MTMR14: variants seen among roughly 807,000 people sequenced by gnomAD.
MTMR14 encodes myotubularin related protein 14.
Under a neutral mutation model 86.3 loss-of-function variants are expected in MTMR14, and 48 were observed. The ratio of observed to expected loss-of-function variants is 0.56; its 90% confidence interval spans 0.44 to 0.71. MTMR14 has a LOEUF of 0.71. MTMR14 is among the 30% of genes least tolerant of loss of function. MTMR14 has a pLI of 0.00. For synonymous variants in MTMR14, 366 were observed against 326.1 expected (o/e 1.12, Z -1.32); for missense variants, 780 against 834.6 (o/e 0.93, Z 0.81).
In MTMR14 at chr3:9,649,658, G is replaced by A. The variant is rs1332051551; in HGVS notation, c.75G>A (p.Gln25=). Reference sequence around the variant, plus strand: ...CCTCTTCAGGCAACCAGCCGCCTCAGGAGCTGGGGCTTGGGGAGCTGCTGG... The same window carrying A: ...CCTCTTCAGGCAACCAGCCGCCTCAAGAGCTGGGGCTTGGGGAGCTGCTGG... ...SSASSGNQPP[Q]ELGLGELLEE... is the part of the protein sequence containing the mutation. Residue 25 remains glutamine, a synonymous_variant, in exon 1 of 19, where the codon CAG becomes CAA. Coordinates refer to ENST00000296003, the MANE Select transcript of MTMR14 (RefSeq NM_001077525.3). 1.9e-6 allele frequency: 3 copies of A among 1,597,272 alleles called. No homozygotes were observed. The highest frequency in any genetic ancestry group is 1.7e-5 in the Admixed American group (1 of 57,200).
chr3:9,670,620 A>G (rs1388395438), intron 5 of MTMR14, among the ~76,000 whole-genome samples: 1 of 152,194 alleles, frequency 6.6e-6, no homozygotes, highest in African/African-American at 2.4e-5. Context: ...TCAGACTGCT[A>G]CATTATGAGC....
chr3:9,674,949 TA>T (rs1338573903), intron 7 of MTMR14, among the ~76,000 whole-genome samples: 1 of 152,180 alleles, frequency 6.6e-6, no homozygotes, highest in African/African-American at 2.4e-5. Flanking sequence ...CTATCTCTAC[TA>T]AAAATACAAA....
chr3:9,702,016 G>A lies in MTMR14; in HGVS notation c.*43G>A, dbSNP rs745968351. The A allele has an allele frequency of 1.2e-6, 2 of 1,612,300 alleles. No homozygotes were observed. Among genetic ancestry groups the A allele is most frequent in the Non-Finnish European group, 1.7e-6 (2 of 1,179,408 alleles). On this transcript the variant is annotated 3_prime_UTR_variant, in exon 19 of 19. Coordinates refer to ENST00000296003, the MANE Select transcript of MTMR14 (RefSeq NM_001077525.3). ...ATTTTCCTGCTCCTCTCTCAGCTGA[G>A]CCCTTAGCAGAGAATCAAAGCCATG...
chr3:9,701,534 A>G lies in MTMR14; in HGVS notation c.1770-256A>G. 3.6e-6 allele frequency: 2 copies of G among 550,376 alleles called. No individual in the cohort carries two copies. The highest frequency in any genetic ancestry group is 6.3e-5 in the East Asian group (2 of 31,914). 34.1% of individuals were successfully genotyped at this position (550,376 alleles called of 1,614,324 possible). On this transcript the variant is annotated intron_variant, in intron 18 of 18. Transcript: ENST00000296003. The surrounding 1 kb of genome is among the most constrained non-coding windows in gnomAD (Gnocchi z 4.2). ...GAGACCTTGTCTCAAGAAAAAAAAA[A>G]AAAAGGTTAGTGTCCCAGTAAAAGC...
intron 7 of MTMR14, among the ~76,000 whole-genome samples, chr3:9,673,026 C>T (rs1005203449): frequency 3.1e-4 from 47 of 152,196 alleles, no homozygotes; most frequent in Admixed American, 2.0e-4. Context: ...TTCACCCCTC[C>T]AAGCCTCAAG....
chr3:9,698,419 G>A (rs1048590961), intron 18 of MTMR14, among the ~76,000 whole-genome samples: 1 of 152,240 alleles, frequency 6.6e-6, no homozygotes, highest in Non-Finnish European at 1.5e-5. Context: ...CACCTGACTG[G>A]AGCAGCTGCC....
intron 4 of MTMR14, among the ~76,000 whole-genome samples, 173 bp downstream of exon 4, chr3:9,668,967 A>G (rs2048414855): frequency 6.6e-6 from 1 of 151,834 alleles, no homozygotes; most frequent in Non-Finnish European, 1.5e-5. Context: ...GTGAAACCCC[A>G]TCTCTACTAA....
intron 2 of MTMR14, 43 bp from the exon 3 acceptor site, chr3:9,662,224 A>T (rs1304686069): frequency 1.3e-6 from 2 of 1,511,180 alleles, no homozygotes; most frequent in Non-Finnish European, 1.8e-6. Flanking sequence ...CAAAGTGCCC[A>T]CTTCAAAGTC....
At chr3:9,678,232 A>G (rs565571343) in intron 9 of MTMR14, among the ~76,000 whole-genome samples, 174 bp downstream of exon 9, 15 of 152,258 alleles carry the variant, frequency 9.9e-5, no homozygotes, top group East Asian at 5.8e-4. Flanking sequence ...CCGTTCAACT[A>G]TCTCCTGATT....
At chr3:9,683,439 T>C (rs1364128976) in intron 10 of MTMR14, 195 bp downstream of exon 10, 2 of 605,132 alleles carry the variant, frequency 3.3e-6, no homozygotes, top group Admixed American at 2.9e-5. Context: ...GTCCTCAAAA[T>C]CCTAGAAAAC....
intron 3 of MTMR14, among the ~76,000 whole-genome samples, chr3:9,666,706 T>G (rs1248039669): frequency 6.6e-6 from 1 of 152,170 alleles, no homozygotes; most frequent in East Asian, 1.9e-4. Context: ...CATCTTTCTT[T>G]TTGTTTAAGA....
chr3:9,670,509 T>C (rs1188285812), intron 5 of MTMR14, among the ~76,000 whole-genome samples: 1 of 152,248 alleles, frequency 6.6e-6, no homozygotes, highest in Admixed American at 6.5e-5. Context: ...ATTTTATCTT[T>C]CTCTTTGCTT....
Position 9,688,714 on chromosome 3 carries a change from C to T in MTMR14, c.1254C>T (p.Ala418=), listed in dbSNP as rs757836826. 7.4e-6 allele frequency: 12 copies of T among 1,614,142 alleles called. No homozygotes were observed. The highest frequency in any genetic ancestry group is 9.3e-6 in the Non-Finnish European group (11 of 1,180,036). ...TTTCTAGGAGGAAGAGTTTGCCAGC[C>T]CGGGATGGAGGCTTCACCCTGGAAG... The part of the protein sequence containing the change: ...LKTQRRKSLP[A]RDGGFTLEDI... Residue 418 remains alanine, a synonymous_variant, in exon 15 of 19, where the codon GCC becomes GCT. Coordinates refer to ENST00000296003, the MANE Select transcript of MTMR14 (RefSeq NM_001077525.3).
At chr3:9,697,892 G>T in intron 18 of MTMR14, 26 bp downstream of exon 18, 1 of 1,613,690 alleles carries the variant, frequency 6.2e-7, no homozygotes, top group East Asian at 2.2e-5. Context: ...GAGAAGGCAG[G>T]ATGCTCCCCT....
intron 18 of MTMR14, among the ~76,000 whole-genome samples, chr3:9,699,065 G>T (rs1164830747): frequency 1.3e-5 from 2 of 151,826 alleles, no homozygotes; most frequent in South Asian, 2.1e-4. Flanking sequence ...CCAGCTACTC[G>T]GGAGGCTGAG....
intron 17 of MTMR14, among the ~76,000 whole-genome samples, chr3:9,695,381 C>T (rs1218498163): frequency 2.6e-5 from 4 of 152,176 alleles, no homozygotes; most frequent in African/African-American, 4.8e-5. Flanking sequence ...AGTGTGCTCA[C>T]TCTTGAAAAA....
chr3:9,700,859 C>T (rs1210131178), intron 18 of MTMR14: 1 of 151,086 alleles, frequency 6.6e-6, no homozygotes, highest in Non-Finnish European at 1.5e-5. Flanking sequence ...CACTCTGTTG[C>T]CCAGGCTGGA....
intron 3 of MTMR14, among the ~76,000 whole-genome samples, chr3:9,664,466 A>G (rs187645079): frequency 1.8e-4 from 28 of 151,940 alleles, no homozygotes; most frequent in Admixed American, 7.9e-4. Context: ...GCTTGCTTCC[A>G]CTGTGTTAAG....
Position 9,672,672 on chromosome 3 carries a change from CCTTGT to C in MTMR14, c.678-7_678-3del. Reference sequence around the variant, plus strand: ...GTTGCGACACTGTAACACATTGTATCCTTGTCTTGTAGTGTAACCTCCTCTGAGAA... The same window carrying C: ...GTTGCGACACTGTAACACATTGTATCCTTGTAGTGTAACCTCCTCTGAGAA... On this transcript the variant is annotated splice_region_variant and splice_polypyrimidine_tract_variant and intron_variant, in intron 6 of 18. Coordinates refer to ENST00000296003, the MANE Select transcript of MTMR14 (RefSeq NM_001077525.3). 6.2e-7 allele frequency: 1 copy of C among 1,612,546 alleles called. No individual in the cohort carries two copies. The highest frequency in any genetic ancestry group is 8.5e-7 in the Non-Finnish European group (1 of 1,178,612).
Sources: allele counts gnomAD v4.1 joint callset (sites outside exome capture counted in the v4.1 genomes callset), GRCh38; gene constraint gnomAD v4.1.1; non-coding constraint Gnocchi (gnomAD v3.1); transcripts MANE v1.5; gene names NCBI Gene and HGNC (gene_info 2026-07-23, HGNC 2026-07-21).